The following JAG1 variants were observed in gnomAD, a reference collection of about 807,000 sequenced individuals.
JAG1 encodes jagged canonical Notch ligand 1.
In JAG1, 23 loss-of-function variants were observed where a neutral mutation model predicts 148.7. The ratio of observed to expected loss-of-function variants is 0.15; its 90% CI spans 0.11 to 0.22. The LOEUF (loss-of-function observed/expected upper bound fraction) is 0.22, where lower values mean the gene tolerates loss of function less well. Among genes scored for constraint, JAG1 ranks in the 10% least tolerant of loss-of-function variants. The probability of loss-of-function intolerance (pLI) is 1.00; values close to 1 mark genes in which losing one functional copy is unlikely to be tolerated. For missense variants in JAG1, 1,054 were observed against 1,611.2 expected (o/e 0.65, Z 5.92); for synonymous variants, 572 against 598.3 (o/e 0.96, Z 0.64).
At chr20:10,664,036 T>C (rs760425396) in intron 2 of JAG1, 22 bp from the exon 3 acceptor site, 4 of 1,609,920 alleles carry the variant, frequency 2.5e-6, no homozygotes, top group Admixed American at 3.3e-5. Flanking sequence ...ACAAACAATT[T>C]AGCAATTCAG....
Position 10,641,792 on chromosome 20 carries a change from G to A in JAG1, c.2673C>T (p.Ala891=), listed in dbSNP as rs149889701. ...NTCQCLNGRI[A]CSKVWCGPRP... Reference sequence around the variant, plus strand: ...AGCCATCATGTCCTACCTTTGAGCAGGCGATCCGTCCATTCAGGCACTGGC... The same window carrying A: ...AGCCATCATGTCCTACCTTTGAGCAAGCGATCCGTCCATTCAGGCACTGGC... The change falls in exon 22 of 26, where the codon GCC becomes GCT. Residue 891 remains alanine, a synonymous_variant. Coordinates refer to ENST00000254958, the MANE Select transcript of JAG1 (RefSeq NM_000214.3). The A allele has an allele frequency of 1.4e-5, 22 of 1,613,764 alleles. No homozygotes were observed. The African/African-American group carries it at 2.7e-4, about 20-fold the overall frequency.
rs1272016799 is a variant in JAG1, at chr20:10,645,027, C to T, written c.2228-48G>A. ...ACCACCCTCCCTGAGTATCCAGAAACAGTCTGGAGGGGCAAGAACCAGGCC... is the reference window on the plus strand; with the variant it reads ...ACCACCCTCCCTGAGTATCCAGAAATAGTCTGGAGGGGCAAGAACCAGGCC... On this transcript the variant is annotated intron_variant, in intron 17 of 25. Coordinates refer to ENST00000254958, the MANE Select transcript of JAG1 (RefSeq NM_000214.3). The surrounding 1 kb of genome is among the most constrained non-coding windows in gnomAD (Gnocchi z 6.1). The T allele has an allele frequency of 6.5e-6, 10 of 1,540,166 alleles. No individual in the cohort carries two copies. Among genetic ancestry groups the T allele is most frequent in the Non-Finnish European group, 9.0e-6 (10 of 1,112,662 alleles).
chr20:10,640,932 G>T lies in JAG1; in HGVS notation c.3050C>A (p.Ser1017Tyr). 6.2e-7 allele frequency: 1 copy of T among 1,614,108 alleles called. No individual in the cohort carries two copies. The highest frequency in any genetic ancestry group is 2.2e-5 in the East Asian group (1 of 44,872). ...CCCATCATCCCGTATATCTTCAGCA[G>T]ACTGGAAAAACAATTGTCAGACTTG... is the stretch of plus-strand genomic sequence containing the variant. ...SANNEIHVAI[S>Y]AEDIRDDGNP... The change falls in exon 25 of 26, where the codon TCT becomes TAT. Residue 1017 changes from serine (S) to tyrosine (Y), a missense_variant and splice_region_variant. Transcript: ENST00000254958.
Position 10,654,764 on chromosome 20 carries a change from G to A in JAG1, c.755+1634C>T, listed in dbSNP as rs1321518971. On this transcript the variant is annotated intron_variant, in intron 5 of 25. Coordinates refer to ENST00000254958, the MANE Select transcript of JAG1 (RefSeq NM_000214.3). ...GGCCATCAGTGCGTGTCTGGGCAGG[G>A]AGAGGGAGGTGGGACTTCGAAAGAG... Among the ~76,000 whole-genome samples the A allele has an allele frequency of 2.6e-5, 4 of 152,340 alleles. No individual in the cohort carries two copies. In the South Asian group the frequency reaches 8.3e-4, roughly 32 times the overall value.
rs547655628 is a variant in JAG1, at chr20:10,646,922, G to C, written c.1885+17C>G. On this transcript the variant is annotated intron_variant, in intron 14 of 25. Coordinates refer to ENST00000254958, the MANE Select transcript of JAG1 (RefSeq NM_000214.3). Reference sequence around the variant, plus strand: ...GGCTGGGGAGCACTGGTCCATTCCCGGATGAGGGAGTCTTACTTTCATGGC... The same window carrying C: ...GGCTGGGGAGCACTGGTCCATTCCCCGATGAGGGAGTCTTACTTTCATGGC... The C allele has an allele frequency of 6.2e-7, 1 of 1,613,506 alleles. No homozygotes were observed. The highest frequency in any genetic ancestry group is 8.5e-7 in the Non-Finnish European group (1 of 1,179,526).
chr20:10,669,880 A>G (rs2067484265), intron 2 of JAG1, among the ~76,000 whole-genome samples: 1 of 152,184 alleles, frequency 6.6e-6, no homozygotes, highest in Non-Finnish European at 1.5e-5. Context: ...TTCCTAAATT[A>G]TTTCCTGTTA....
At chr20:10,646,287 C>T (rs1055940693) in intron 14 of JAG1, 2 of 590,570 alleles carry the variant, frequency 3.4e-6, no homozygotes, top group African/African-American at 3.7e-5. Flanking sequence ...ACTTAATGCC[C>T]TCACATGGGC....
chr20:10,648,897 C>T (rs2067326734), intron 11 of JAG1, 164 bp downstream of exon 11: 1 of 870,702 alleles, frequency 1.1e-6, no homozygotes, highest in East Asian at 2.6e-5. Flanking sequence ...TTCAAAATGA[C>T]TCCCACGAGG....
intron 3 of JAG1, among the ~76,000 whole-genome samples, chr20:10,660,648 G>T (rs1276799560): frequency 6.6e-6 from 1 of 152,202 alleles, no homozygotes; most frequent in Non-Finnish European, 1.5e-5. Flanking sequence ...GATCACTTCA[G>T]AATCCTCAGT....
At chr20:10,648,898 T>C in intron 11 of JAG1, 163 bp downstream of exon 11, 1 of 870,456 alleles carries the variant, frequency 1.1e-6, no homozygotes, top group Non-Finnish European at 1.9e-6. Context: ...TCAAAATGAC[T>C]CCCACGAGGC....
In JAG1 at chr20:10,645,006, C is replaced by G; in HGVS notation, c.2228-27G>C. 1 of 1,583,474 alleles carries G rather than the reference C, an allele frequency of 6.3e-7. No homozygotes were observed. Among genetic ancestry groups the G allele is most frequent in the East Asian group, 2.2e-5 (1 of 44,654 alleles). On this transcript the variant is annotated intron_variant, in intron 17 of 25. Coordinates refer to ENST00000254958, the MANE Select transcript of JAG1 (RefSeq NM_000214.3). This position sits in a 1 kb window ranked among gnomAD's most constrained non-coding sequence, Gnocchi z 6.1. ...TATAAAAGAAGAGCAGACACGACCA[C>G]CCTCCCTGAGTATCCAGAAACAGTC...
At chr20:10,651,999 T>C (rs779308449) in intron 7 of JAG1, 132 bp downstream of exon 7, 39 of 1,035,626 alleles carry the variant, frequency 3.8e-5, no homozygotes, top group Non-Finnish European at 5.4e-5. Context: ...GCTTATAGAA[T>C]GGTTGGGATA....
rs2122592678 is a variant in JAG1 at position 10,639,468 on chromosome 20, C to CT, written c.*29dup. 1 of 1,586,168 alleles carries CT rather than the reference C, an allele frequency of 6.3e-7. No homozygotes were observed. Among genetic ancestry groups the CT allele is most frequent in the East Asian group, 2.2e-5 (1 of 44,766 alleles). On this transcript the variant is annotated 3_prime_UTR_variant, in exon 26 of 26. Transcript: ENST00000254958. ...TTAAAGAACTACAAGCCCTCAGACT[C>CT]TACCTAGCGGCGGCAGTGCCCGCGG...
In JAG1 at chr20:10,673,435, G is replaced by A; in HGVS notation, c.81+15C>T. ...AGAGGACGGCTGGGAGGGAGGCCCGGAGAAGGGCTCCTACCTTGGCTCGCA... is the reference window on the plus strand; with the variant it reads ...AGAGGACGGCTGGGAGGGAGGCCCGAAGAAGGGCTCCTACCTTGGCTCGCA... On this transcript the variant is annotated intron_variant, in intron 1 of 25. Transcript: ENST00000254958. This position sits in a 1 kb window ranked among gnomAD's most constrained non-coding sequence, Gnocchi z 4.7. 2 of 1,450,502 alleles carry A rather than the reference G, an allele frequency of 1.4e-6. No homozygotes were observed. Among genetic ancestry groups the A allele is most frequent in the Non-Finnish European group, 1.8e-6 (2 of 1,101,386 alleles). 89.9% of individuals were successfully genotyped at this position (1,450,502 alleles called of 1,614,324 possible).
chr20:10,670,174 C>G (rs186056381), intron 2 of JAG1, among the ~76,000 whole-genome samples: 1 of 152,170 alleles, frequency 6.6e-6, no homozygotes, highest in African/African-American at 2.4e-5. Flanking sequence ...GTTTCCTCCT[C>G]GTCCTCTCTA....
intron 14 of JAG1, chr20:10,646,458 G>A (rs1165473681): frequency 1.6e-5 from 6 of 365,468 alleles, no homozygotes; most frequent in Admixed American, 1.2e-4. Flanking sequence ...GATCCCAGAT[G>A]TAAGGATAAG....
chr20:10,645,073 C>T lies in JAG1; in HGVS notation c.2227+70G>A. The T allele has an allele frequency of 1.3e-6, 2 of 1,517,964 alleles. No homozygotes were observed. The highest frequency in any genetic ancestry group is 1.8e-6 in the Non-Finnish European group (2 of 1,092,362). 94.0% of individuals were successfully genotyped at this position (1,517,964 alleles called of 1,614,324 possible). On this transcript the variant is annotated intron_variant, in intron 17 of 25. Transcript: ENST00000254958. The surrounding 1 kb of genome is among the most constrained non-coding windows in gnomAD (Gnocchi z 6.1). ...AGGCCCAGAGAAATATCATAAGCTC[C>T]AGGGGCCAACCAGCAGACACGCCCA...
intron 8 of JAG1, 134 bp from the exon 9 acceptor site, chr20:10,650,494 G>T (rs2067338305): frequency 1.5e-6 from 1 of 683,372 alleles, no homozygotes; most frequent in South Asian, 1.6e-5. Flanking sequence ...GCTACAGCAG[G>T]ACAAGTGGGA....
intron 3 of JAG1, 52 bp downstream of exon 3, chr20:10,663,911 G>T: frequency 6.8e-7 from 1 of 1,465,706 alleles, no homozygotes; most frequent in Non-Finnish European, 9.6e-7. Context: ...GGTTGGCCAA[G>T]CCCCACACTT....
Sources: gnomAD v4.1 joint callset for allele counts (sites outside exome capture counted in the v4.1 genomes callset) on GRCh38, gnomAD v4.1.1 for gene constraint, Gnocchi (gnomAD v3.1) non-coding constraint, MANE v1.5 for transcripts, NCBI Gene and HGNC (gene_info 2026-07-23, HGNC 2026-07-21) for gene names.